Variants in ARHGEF7 observed in about 807,000 individuals in gnomAD.
ARHGEF7 encodes the protein Rho guanine nucleotide exchange factor 7.
In ARHGEF7, 33 loss-of-function variants were observed where a neutral mutation model predicts 109.8. The observed-to-expected ratio is 0.30, with a 90% CI of 0.23 to 0.40. The LOEUF (loss-of-function observed/expected upper bound fraction) is 0.40. ARHGEF7 is among the 10% of genes least tolerant of loss of function. ARHGEF7 has a pLI of 1.00. For synonymous variants in ARHGEF7, 458 were observed against 424.6 expected (o/e 1.08, Z -0.97); for missense variants, 938 against 1,098.5 (o/e 0.85, Z 2.07).
intron 4 of ARHGEF7, 39 bp from the exon 5 acceptor site, chr13:111,217,640 C>G (rs777296458): frequency 6.5e-7 from 1 of 1,544,626 alleles, no homozygotes; most frequent in Non-Finnish European, 8.9e-7. Context: ...GTAGACTGTT[C>G]TTGGTATAAT....
chr13:111,175,125 T>C (rs887899277), intron 2 of ARHGEF7, among the ~76,000 whole-genome samples: 5 of 152,242 alleles, frequency 3.3e-5, no homozygotes, highest in Admixed American at 6.5e-5. Context: ...AATATTTGTT[T>C]GTGGTAAGCT....
intron 19 of ARHGEF7, among the ~76,000 whole-genome samples, chr13:111,295,716 C>A (rs780246559): frequency 1.3e-5 from 2 of 152,144 alleles, no homozygotes; most frequent in Non-Finnish European, 2.9e-5. Context: ...GTAAATTAGA[C>A]CCTTAGAGCC....
chr13:111,237,603 G>A (rs1286084549), intron 6 of ARHGEF7, among the ~76,000 whole-genome samples: 1 of 152,062 alleles, frequency 6.6e-6, no homozygotes, highest in East Asian at 1.9e-4. Flanking sequence ...CATTTTCAGA[G>A]GATTATTTGT....
intron 1 of ARHGEF7, among the ~76,000 whole-genome samples, chr13:111,135,667 G>A (rs1169738195): frequency 1.3e-5 from 2 of 152,230 alleles, no homozygotes; most frequent in Non-Finnish European, 2.9e-5. Context: ...CTTTGCTGAA[G>A]TTGCTTATCA....
chr13:111,209,002 A>G (rs769008519), intron 3 of ARHGEF7, among the ~76,000 whole-genome samples: 1 of 152,160 alleles, frequency 6.6e-6, no homozygotes, highest in Non-Finnish European at 1.5e-5. Context: ...ATACCTTCAG[A>G]CTTTTCGATG....
chr13:111,183,148 A>T (rs2078927748), intron 2 of ARHGEF7, among the ~76,000 whole-genome samples: 1 of 152,216 alleles, frequency 6.6e-6, no homozygotes, highest in African/African-American at 2.4e-5. Context: ...GTAAATAGTC[A>T]AGAGTTAGAG....
rs1567011672 is a variant in ARHGEF7 at position 111,266,282 on chromosome 13, C to T, written c.951-1266C>T. Among the ~76,000 whole-genome samples the T allele has an allele frequency of 6.6e-6, 1 of 152,084 alleles. No homozygotes were observed. On this transcript the variant is annotated intron_variant, in intron 8 of 21. Coordinates refer to ENST00000646102, the MANE Select transcript of ARHGEF7 (RefSeq NM_001354046.2). The surrounding 1 kb of genome is among the most constrained non-coding windows in gnomAD (Gnocchi z 4.8). ...TGCTGTTCCTCATTCTCGGTGTGAA[C>T]AGGTGTTTCTCACTCAGAGCTCTTC...
chr13:111,129,516 C>G (rs1310648314), intron 1 of ARHGEF7, among the ~76,000 whole-genome samples: 2 of 152,152 alleles, frequency 1.3e-5, no homozygotes, highest in African/African-American at 4.8e-5. Flanking sequence ...ATGTAAAGAA[C>G]TCTCAAAACT....
chr13:111,291,793 G>T (rs1181129349), intron 18 of ARHGEF7, among the ~76,000 whole-genome samples: 1 of 152,094 alleles, frequency 6.6e-6, no homozygotes, highest in Non-Finnish European at 1.5e-5. Context: ...TTTGGACATG[G>T]GTGTGATTTG....
At chr13:111,300,676 A>T (rs1447210562) in intron 19 of ARHGEF7, 72 bp from the exon 20 acceptor site, 2 of 995,596 alleles carry the variant, frequency 2.0e-6, no homozygotes, top group African/African-American at 1.7e-5. Context: ...GACATGGTAT[A>T]GTCAAGTTGT....
intron 15 of ARHGEF7, among the ~76,000 whole-genome samples, chr13:111,281,751 G>A (rs1321642090): frequency 1.3e-5 from 2 of 152,150 alleles, no homozygotes; most frequent in Admixed American, 1.3e-4. Flanking sequence ...TTTATATCAA[G>A]TCAGCTTTTC....
intron 1 of ARHGEF7, among the ~76,000 whole-genome samples, chr13:111,127,648 G>GAAAAAAAA (rs71206956): frequency 2.5e-5 from 1 of 40,038 alleles, no homozygotes; most frequent in Non-Finnish European, 5.0e-5. Context: ...CTCTGTTTCA[G>GAAAAAAAA]AAAAAAAAAA....
chr13:111,122,193 G>A (rs2067243177), intron 1 of ARHGEF7, among the ~76,000 whole-genome samples: 1 of 152,206 alleles, frequency 6.6e-6, no homozygotes, highest in African/African-American at 2.4e-5. Context: ...AGATCTGGGC[G>A]CAGCTGCTGA....
At chr13:111,191,129 C>T (rs1387683101) in intron 2 of ARHGEF7, among the ~76,000 whole-genome samples, 1 of 151,998 alleles carries the variant, frequency 6.6e-6, no homozygotes, top group African/African-American at 2.4e-5. Context: ...CATTACAAAA[C>T]CTGGACTGTT....
chr13:111,128,920 A>C (rs1269584941), intron 1 of ARHGEF7, among the ~76,000 whole-genome samples: 2 of 152,234 alleles, frequency 1.3e-5, no homozygotes, highest in Admixed American at 1.3e-4. Flanking sequence ...CCTAGAAACA[A>C]CTTTGAAATG....
chr13:111,282,863 G>A (rs530920100), intron 15 of ARHGEF7: 1 of 547,692 alleles, frequency 1.8e-6, no homozygotes, highest in East Asian at 3.0e-5. Context: ...TGTGGCTAGT[G>A]GATGTCTTTT....
intron 8 of ARHGEF7, among the ~76,000 whole-genome samples, chr13:111,262,658 A>G (rs60096939): frequency 0.022 from 3,364 of 152,230 alleles, 128 homozygotes; most frequent in African/African-American, 0.077. Context: ...AGGAGTAAAC[A>G]TGTTACGGGG....
At position 111,241,140 on chromosome 13, in the gene ARHGEF7, C is replaced by A; in HGVS notation, c.760-2732C>A. The A allele has an allele frequency of 3.3e-6, 5 of 1,529,338 alleles. No homozygotes were observed. In the Admixed American group the frequency reaches 9.9e-5, roughly 30 times the overall value. The allele number at this position is 1,529,338 out of a possible 1,614,324, so 94.7% of individuals were successfully genotyped here. Reference sequence around the variant, plus strand: ...TCCATGCCTCGTGACCCCCGGGAAGCTGGCACTGGCTGAGCTCAGCTCTGT... The same window carrying A: ...TCCATGCCTCGTGACCCCCGGGAAGATGGCACTGGCTGAGCTCAGCTCTGT... On this transcript the variant is annotated intron_variant, in intron 6 of 21. Transcript: ENST00000646102.
intron 8 of ARHGEF7, among the ~76,000 whole-genome samples, chr13:111,260,641 G>A (rs1474912034): frequency 6.6e-6 from 1 of 152,194 alleles, no homozygotes; most frequent in Non-Finnish European, 1.5e-5. Flanking sequence ...AGAAAATAAT[G>A]TTAGTGAGCA....
Sources: gnomAD v4.1 joint callset for allele counts (sites outside exome capture counted in the v4.1 genomes callset) on GRCh38, gnomAD v4.1.1 for gene constraint, Gnocchi (gnomAD v3.1) non-coding constraint, MANE v1.5 for transcripts, NCBI Gene and HGNC (gene_info 2026-07-23, HGNC 2026-07-21) for gene names.